DOT1L: variants seen among roughly 807,000 people sequenced by gnomAD.
DOT1L encodes the protein histone-lysine N-methyltransferase, H3 lysine-79 specific.
Under a neutral mutation model 153.3 loss-of-function variants are expected in DOT1L, and 33 were observed. That is an observed-to-expected ratio of 0.22 (90% CI 0.16 to 0.29). DOT1L has a LOEUF of 0.29. Among genes scored for constraint, DOT1L ranks in the 10% least tolerant of loss-of-function variants. The pLI is 1.00. For synonymous variants in DOT1L, 1,135 were observed against 965.1 expected (o/e 1.18, Z -3.26); for missense variants, 1,847 against 2,119.9 (o/e 0.87, Z 2.53).
intron 7 of DOT1L, among the ~76,000 whole-genome samples, chr19:2,199,210 G>A (rs777447385): frequency 2.6e-5 from 4 of 152,230 alleles, no homozygotes; most frequent in Admixed American, 1.3e-4. Flanking sequence ...GACTGGCGTC[G>A]GGCTGCAGCT....
chr19:2,229,275 G>T, intron 27 of DOT1L: 1 of 985,460 alleles, frequency 1.0e-6, no homozygotes, highest in East Asian at 1.1e-4. Context: ...CAGGGACATG[G>T]CGTGCCTGGC....
At chr19:2,165,638 C>T (rs1325073975) in intron 1 of DOT1L, among the ~76,000 whole-genome samples, 1 of 152,252 alleles carries the variant, frequency 6.6e-6, no homozygotes, top group African/African-American at 2.4e-5. Context: ...CCAGCCTCCA[C>T]TTCTCTCTGT....
rs1010180241 is a variant in DOT1L at position 2,226,489 on chromosome 19, C to A, written c.3968C>A (p.Ala1323Asp). ...GGCTGCACCTTCGGCGGGGGCCTGGCCGCGGACCTGAGTTTACACAGCTTC... is the reference window on the plus strand; with the variant it reads ...GGCTGCACCTTCGGCGGGGGCCTGGACGCGGACCTGAGTTTACACAGCTTC... ...ANGCTFGGGL[A>D]ADLSLHSFSD... The change falls in exon 27 of 28, where the codon GCC becomes GAC. Residue 1323 changes from alanine (A) to aspartate (D), a missense_variant. Transcript: ENST00000398665. 2 of 1,600,698 alleles carry A rather than the reference C, an allele frequency of 1.2e-6. No homozygotes were observed. The highest frequency in any genetic ancestry group is 3.3e-5 in the Admixed American group (2 of 59,950).
intron 1 of DOT1L, among the ~76,000 whole-genome samples, chr19:2,179,744 T>C (rs1599543603): frequency 6.6e-6 from 1 of 151,768 alleles, no homozygotes; most frequent in Non-Finnish European, 1.5e-5. Flanking sequence ...GAGGTGGAGG[T>C]TGCAGTGAGC....
chr19:2,186,052 T>A, intron 3 of DOT1L, 123 bp downstream of exon 3: 2 of 961,924 alleles, frequency 2.1e-6, no homozygotes, highest in Non-Finnish European at 3.2e-6. Flanking sequence ...AATTTCCTTT[T>A]AGAGTTGGCC....
Position 2,211,791 on chromosome 19 carries a change from A to G in DOT1L, c.1506A>G (p.Thr502=). 1 of 1,574,352 alleles carries G rather than the reference A, an allele frequency of 6.4e-7. No homozygotes were observed. Among genetic ancestry groups the G allele is most frequent in the South Asian group, 1.2e-5 (1 of 85,826 alleles). ...KIQYLQFLAY[T]KTPQYKASLQ... The stretch of plus-strand genomic sequence containing the variant: ...AGTACCTGCAGTTCCTGGCATACAC[A>G]AAGACCCCCCAGTACAAGGCCAGCC... Residue 502 remains threonine, a synonymous_variant, in exon 16 of 28, where the codon ACA becomes ACG. Transcript: ENST00000398665.
At position 2,191,349 on chromosome 19, in the gene DOT1L, G is replaced by A. The variant is rs2144743313; in HGVS notation, c.493+109G>A. Reference sequence around the variant, plus strand: ...TTTATCAGGGACTTGCGACGTTGGCGTGGACAGTGCTTCCTTCTCCCAGCG... The same window carrying A: ...TTTATCAGGGACTTGCGACGTTGGCATGGACAGTGCTTCCTTCTCCCAGCG... On this transcript the variant is annotated intron_variant, in intron 5 of 27. Transcript: ENST00000398665. The surrounding 1 kb of genome is among the most constrained non-coding windows in gnomAD (Gnocchi z 6.8). 3 of 1,144,176 alleles carry A rather than the reference G, an allele frequency of 2.6e-6. No individual in the cohort carries two copies. The highest frequency in any genetic ancestry group is 1.4e-5 in the South Asian group (1 of 73,954). 70.9% of individuals were successfully genotyped at this position (1,144,176 alleles called of 1,614,324 possible).
At chr19:2,228,811 A>G in intron 27 of DOT1L, 1 of 985,358 alleles carries the variant, frequency 1.0e-6, no homozygotes, top group Non-Finnish European at 1.2e-6. Context: ...AGCATGTAGC[A>G]GGCACGGTGC....
intron 16 of DOT1L, 161 bp downstream of exon 16, chr19:2,212,003 C>A (rs763760682): frequency 1.6e-4 from 102 of 642,946 alleles, no homozygotes; most frequent in Non-Finnish European, 2.3e-4. Context: ...CGTTTAAACC[C>A]AAAGAATGGA....
Position 2,220,174 on chromosome 19 carries a change from G to A in DOT1L, c.2758G>A (p.Ala920Thr), listed in dbSNP as rs1435326894. 6.2e-7 allele frequency: 1 copy of A among 1,613,772 alleles called. No homozygotes were observed. The highest frequency in any genetic ancestry group is 1.7e-5 in the Admixed American group (1 of 60,016). ...GTCCACACTTGAAAAGCAGATTGGTGCTAATGCCCACGGTGCTGGGAGCAG... is the reference window on the plus strand; with the variant it reads ...GTCCACACTTGAAAAGCAGATTGGTACTAATGCCCACGGTGCTGGGAGCAG... ...PSSTLEKQIGANAHGAGSRSL... is the reference protein window; with the variant it reads ...PSSTLEKQIGTNAHGAGSRSL... The change falls in exon 23 of 28, where the codon GCT (alanine) becomes ACT (threonine). Residue 920 changes from alanine to threonine, a missense_variant. Ala to Thr is a moderately conservative substitution (Grantham distance 58). Transcript: ENST00000398665. The surrounding 1 kb of genome is among the most constrained non-coding windows in gnomAD (Gnocchi z 4.5).
At position 2,217,327 on chromosome 19, in the gene DOT1L, T is replaced by G. The variant is rs577675207; in HGVS notation, c.2544+237T>G. ...TTGTCAGGGTGTCCCTGATGCCTCT[T>G]AGTTCTCAGTGACGGACGGCAAGTG... On this transcript the variant is annotated intron_variant, in intron 21 of 27. Coordinates refer to ENST00000398665, the MANE Select transcript of DOT1L (RefSeq NM_032482.3). The surrounding 1 kb of genome is among the most constrained non-coding windows in gnomAD (Gnocchi z 7.3). 6.6e-6 allele frequency among the ~76,000 whole-genome samples: 1 copy of G among 152,052 alleles called. No homozygotes were observed. The highest frequency in any genetic ancestry group is 6.5e-5 in the Admixed American group (1 of 15,274).
At position 2,227,847 on chromosome 19, in the gene DOT1L, G is replaced by A. The variant is rs764361834; in HGVS notation, c.4606+720G>A. On this transcript the variant is annotated intron_variant, in intron 27 of 27. Coordinates refer to ENST00000398665, the MANE Select transcript of DOT1L (RefSeq NM_032482.3). The stretch of plus-strand genomic sequence containing the variant: ...ACTGGGCCCGAGCCCGCTGCAGGCG[G>A]CGGCCAGCGCCTCGGCCTCTTCCTT... The A allele has an allele frequency of 6.0e-5, 77 of 1,287,922 alleles. No homozygotes were observed. The highest frequency in any genetic ancestry group is 7.5e-5 in the Non-Finnish European group (74 of 985,528). 79.8% of individuals were successfully genotyped at this position (1,287,922 alleles called of 1,614,324 possible).
intron 1 of DOT1L, among the ~76,000 whole-genome samples, chr19:2,170,140 A>T (rs2020070912): frequency 6.6e-6 from 1 of 152,248 alleles, no homozygotes; most frequent in Non-Finnish European, 1.5e-5. Context: ...TCTCAAACAA[A>T]CAGACAAAAT....
chr19:2,190,215 A>G lies in DOT1L; in HGVS notation c.264+420A>G, dbSNP rs1216089684. On this transcript the variant is annotated intron_variant, in intron 4 of 27. Transcript: ENST00000398665. This position sits in a 1 kb window ranked among gnomAD's most constrained non-coding sequence, Gnocchi z 4.8. The stretch of plus-strand genomic sequence containing the variant: ...GCCGGCCTGGGCTGCACCCTTGGGC[A>G]CCCCGGTCCTGCTGTGTCTCGTGAG... Among the ~76,000 whole-genome samples, 2 of 151,888 alleles carry G rather than the reference A, an allele frequency of 1.3e-5. No individual in the cohort carries two copies. Among genetic ancestry groups the G allele is most frequent in the African/African-American group, 2.4e-5 (1 of 41,388 alleles).
chr19:2,208,478 G>A lies in DOT1L; in HGVS notation c.964-457G>A, dbSNP rs186001827. 2.8e-3 allele frequency among the ~76,000 whole-genome samples: 426 copies of A among 152,252 alleles called. 5 individuals carry two copies. The highest frequency in any genetic ancestry group is 9.1e-3 in the African/African-American group (380 of 41,552). ...ACTGCTCCCCCGAGGGCCCTGGGAC[G>A]AGAGGCATGGTGAGCTGAGGCTGAG... On this transcript the variant is annotated intron_variant, in intron 11 of 27. Transcript: ENST00000398665. This position sits in a 1 kb window ranked among gnomAD's most constrained non-coding sequence, Gnocchi z 4.4.
In DOT1L at chr19:2,222,040, A is replaced by T. The variant is rs1189907947; in HGVS notation, c.2871A>T (p.Thr957=). ...TGGCGGGCAGCCCGGCCTCTCTCAC[A>T]CCTGGAGCCGAGCCGGCCACCTTGG... The part of the protein sequence containing the change: ...GALAGSPASL[T]PGAEPATLDE... Residue 957 remains threonine (T), a synonymous_variant, in exon 24 of 28, where the codon ACA becomes ACT. Transcript: ENST00000398665. The surrounding 1 kb of genome is among the most constrained non-coding windows in gnomAD (Gnocchi z 6.5). 3.7e-6 allele frequency: 6 copies of T among 1,612,382 alleles called. No homozygotes were observed. Among genetic ancestry groups the T allele is most frequent in the Non-Finnish European group, 5.1e-6 (6 of 1,179,724 alleles).
intron 2 of DOT1L, among the ~76,000 whole-genome samples, chr19:2,184,250 A>G (rs1467168954): frequency 1.3e-5 from 2 of 152,040 alleles, no homozygotes; most frequent in African/African-American, 4.8e-5. Flanking sequence ...GATGATCTGC[A>G]TTGTGAGGTC....
intron 2 of DOT1L, among the ~76,000 whole-genome samples, chr19:2,183,568 C>T (rs762308995): frequency 1.1e-4 from 16 of 151,846 alleles, no homozygotes; most frequent in Admixed American, 5.3e-4. Context: ...TTTGAGCCTG[C>T]AGTTCAGCTT....
rs2144923972 is a variant in DOT1L at position 2,225,370 on chromosome 19, AC to A, written c.3597-16del. The A allele has an allele frequency of 1.2e-6, 2 of 1,612,366 alleles. No individual in the cohort carries two copies. The highest frequency in any genetic ancestry group is 1.7e-6 in the Non-Finnish European group (2 of 1,178,456). On this transcript the variant is annotated splice_polypyrimidine_tract_variant and intron_variant, in intron 25 of 27. Coordinates refer to ENST00000398665, the MANE Select transcript of DOT1L (RefSeq NM_032482.3). ...TGCAGCTGGGTTTCAAGCATTAATGACCTTTTTTTCTTAACAGAATTGAGAG... is the reference window on the plus strand; with the variant it reads ...TGCAGCTGGGTTTCAAGCATTAATGACTTTTTTTCTTAACAGAATTGAGAG...
Sources: allele counts gnomAD v4.1 joint callset (sites outside exome capture counted in the v4.1 genomes callset), GRCh38; gene constraint gnomAD v4.1.1; non-coding constraint Gnocchi (gnomAD v3.1); transcripts MANE v1.5; gene names NCBI Gene and HGNC (gene_info 2026-07-23, HGNC 2026-07-21).